Variants in NLRP14 observed in about 807,000 individuals in gnomAD.
NLRP14 encodes NLR family pyrin domain containing 14, also known as NACHT, LRR and PYD domains-containing protein 14.
A neutral mutation model predicts 94.7 loss-of-function variants in NLRP14; 105 were observed. The observed-to-expected ratio is 1.11, with a 90% CI of 0.95 to 1.30. NLRP14 has a LOEUF of 1.30. NLRP14 is among the 50% of genes most tolerant of loss of function. The pLI is 0.00. For missense variants in NLRP14, 1,362 were observed against 1,254.1 expected (o/e 1.09, Z -1.30); for synonymous variants, 508 against 459.9 (o/e 1.10, Z -1.34).
rs78362150 is a variant in NLRP14 at position 7,071,307 on chromosome 11, G to C, written c.3281G>C (p.Ter1094SerextTer11). The change falls in exon 12 of 12, where the codon TGA (stop) becomes TCA (serine). Residue 1094 changes from the stop codon to serine, a stop_lost. Coordinates refer to ENST00000299481, the MANE Select transcript of NLRP14 (RefSeq NM_176822.4). ...EEDVSWWWCF[*>S] ...GATGTGTCTTGGTGGTGGTGTTTCT[G>C]ATTTGAAGAAACTGACATTCCTTTA... 5 of 1,611,116 alleles carry C rather than the reference G, an allele frequency of 3.1e-6. No homozygotes were observed. The highest frequency in any genetic ancestry group is 4.2e-6 in the Non-Finnish European group (5 of 1,177,750).
chr11:7,085,073 G>A, the NLRP14 span, among the ~76,000 whole-genome samples: 1 of 152,104 alleles, frequency 6.6e-6, no homozygotes, highest in Admixed American at 6.5e-5. Context: ...AACCAGTTTG[G>A]TAGCATTAAG....
rs558424776 is a variant in NLRP14, at chr11:7,041,729, G to A, written c.362-659G>A. Among the ~76,000 whole-genome samples, 43 of 152,266 alleles carry A rather than the reference G, an allele frequency of 2.8e-4. No individual in the cohort carries two copies. The South Asian group carries it at 8.1e-3, about 29-fold the overall frequency. On this transcript the variant is annotated intron_variant, in intron 3 of 11. Transcript: ENST00000299481. ...CTGTGAATGAAAAATATACTGTTTT[G>A]AGAATATATAAAAAGGGGAAGTAGT... is the stretch of plus-strand genomic sequence containing the variant.
intron 10 of NLRP14, among the ~76,000 whole-genome samples, chr11:7,068,139 A>G (rs985557183): frequency 4.6e-5 from 7 of 152,184 alleles, no homozygotes; most frequent in Middle Eastern, 3.4e-3. Flanking sequence ...CATTTCTGAT[A>G]TTGAATTTGA....
At chr11:7,072,640 G>A (rs371978039), downstream of NLRP14, among the ~76,000 whole-genome samples, 3 of 152,058 alleles carry the variant, frequency 2.0e-5, no homozygotes, top group African/African-American at 7.2e-5. Context: ...CCCCGTGCAC[G>A]GTGTGTTTAC....
downstream of NLRP14, among the ~76,000 whole-genome samples, chr11:7,075,455 C>T (rs77561375): frequency 2.9e-4 from 44 of 152,166 alleles, no homozygotes; most frequent in Admixed American, 1.9e-3. Flanking sequence ...ATTGAAAAGG[C>T]GTTTAATAAA....
At chr11:7,090,458 G>GA in the NLRP14 span, 1 of 990,140 alleles carries the variant, frequency 1.0e-6, no homozygotes, top group South Asian at 1.6e-5. Context: ...GCTTTTGGGA[G>GA]AAAAAACTTA....
At position 7,066,523 on chromosome 11, in the gene NLRP14, G is replaced by A. The variant is rs181194403; in HGVS notation, c.2976-3763G>A. ...AAATGTCTTCTTTTGAGAAGTGTCTGTTCATATCCTTTGCCCACTTTTTGA... is the reference window on the plus strand; with the variant it reads ...AAATGTCTTCTTTTGAGAAGTGTCTATTCATATCCTTTGCCCACTTTTTGA... On this transcript the variant is annotated intron_variant, in intron 10 of 11. Transcript: ENST00000299481. Among the ~76,000 whole-genome samples the A allele has an allele frequency of 4.0e-3, 616 of 152,226 alleles. 7 individuals carry two copies. Among genetic ancestry groups the A allele is most frequent in the African/African-American group, 0.014 (570 of 41,528 alleles).
Position 7,038,691 on chromosome 11 carries a change from G to A in NLRP14, c.105G>A (p.Lys35=), listed in dbSNP as rs368361944. ...TAAATACATTCAAGTTATTCCTAAA[G>A]GAGACCATGGAACCTGAGCATGGCC... The part of the protein sequence containing the change: ...EELNTFKLFL[K]ETMEPEHGLT... The change falls in exon 2 of 12, where the codon AAG becomes AAA. Residue 35 remains lysine, a synonymous_variant. Coordinates refer to ENST00000299481, the MANE Select transcript of NLRP14 (RefSeq NM_176822.4). 1 of 1,614,046 alleles carries A rather than the reference G, an allele frequency of 6.2e-7. No homozygotes were observed. The highest frequency in any genetic ancestry group is 8.5e-7 in the Non-Finnish European group (1 of 1,179,932).
At chr11:7,038,962 A>G (rs1852205327) in intron 2 of NLRP14, 87 bp downstream of exon 2, 2 of 1,324,138 alleles carry the variant, frequency 1.5e-6, no homozygotes, top group African/African-American at 1.5e-5. Flanking sequence ...AGAGGGATTT[A>G]GGGATTAAAC....
chr11:7,066,449 C>G (rs1300714489), intron 10 of NLRP14, among the ~76,000 whole-genome samples: 1 of 152,210 alleles, frequency 6.6e-6, no homozygotes. Context: ...TTGCATTTCT[C>G]TAATGGCCAG....
chr11:7,078,547 T>C, the NLRP14 span, among the ~76,000 whole-genome samples: 1 of 151,080 alleles, frequency 6.6e-6, no homozygotes, highest in East Asian at 1.9e-4. Flanking sequence ...CCCAGCACTT[T>C]GGGAGGCCGA....
At chr11:7,029,971 C>G (rs1021185129) in intron 1 of NLRP14, among the ~76,000 whole-genome samples, 1 of 152,184 alleles carries the variant, frequency 6.6e-6, no homozygotes, top group Admixed American at 6.5e-5. Flanking sequence ...CGAATACTGG[C>G]TCCTCCTTTG....
At chr11:7,058,692 AG>A in intron 8 of NLRP14, among the ~76,000 whole-genome samples, 1 of 151,896 alleles carries the variant, frequency 6.6e-6, no homozygotes. Flanking sequence ...CCCAATTTTG[AG>A]GGGCCTCACT....
At chr11:7,033,534 A>T (rs10839698) in intron 1 of NLRP14, among the ~76,000 whole-genome samples, 89,255 of 152,002 alleles carry the variant, frequency 0.59, 27,011 homozygotes, top group East Asian at 0.73. Flanking sequence ...TATTACATTT[A>T]CATTTATTAT....
intron 1 of NLRP14, among the ~76,000 whole-genome samples, chr11:7,028,413 T>C (rs1218393522): frequency 6.6e-6 from 1 of 152,294 alleles, no homozygotes; most frequent in Admixed American, 6.5e-5. Flanking sequence ...GCTACCGGCC[T>C]CGCCCTAGAC....
chr11:7,061,379 G>A (rs1852617551), intron 9 of NLRP14, among the ~76,000 whole-genome samples: 2 of 152,030 alleles, frequency 1.3e-5, no homozygotes, highest in African/African-American at 4.8e-5. Flanking sequence ...TAATTTCTAA[G>A]TGACCTATAT....
At chr11:7,039,373 A>G (rs886074624) in intron 2 of NLRP14, among the ~76,000 whole-genome samples, 6 of 150,116 alleles carry the variant, frequency 4.0e-5, no homozygotes, top group Admixed American at 2.6e-4. Flanking sequence ...ATATATATGT[A>G]TATATATAAT....
downstream of NLRP14, among the ~76,000 whole-genome samples, chr11:7,072,667 C>A (rs1852819692): frequency 6.6e-6 from 1 of 152,144 alleles, no homozygotes; most frequent in Non-Finnish European, 1.5e-5. Flanking sequence ...TGTATGCATG[C>A]TCCCTTGGGA....
At chr11:7,033,489 T>C (rs1240786197) in intron 1 of NLRP14, among the ~76,000 whole-genome samples, 4 of 152,202 alleles carry the variant, frequency 2.6e-5, no homozygotes, top group Non-Finnish European at 5.9e-5. Flanking sequence ...GTGTTCTTTT[T>C]CTATTCCTGA....
Sources: allele counts gnomAD v4.1 joint callset (sites outside exome capture counted in the v4.1 genomes callset), GRCh38; gene constraint gnomAD v4.1.1; transcripts MANE v1.5; gene names NCBI Gene and HGNC (gene_info 2026-07-23, HGNC 2026-07-21).